SRGAP3: variants seen among roughly 807,000 people sequenced by gnomAD.
The protein encoded by SRGAP3 is SLIT-ROBO Rho GTPase activating protein 3.
A neutral mutation model predicts 121.1 loss-of-function variants in SRGAP3; 39 were observed. That is an observed-to-expected ratio of 0.32 (90% CI 0.25 to 0.42). The LOEUF is 0.42. Ranked by LOEUF, SRGAP3 falls within the 10% of genes least tolerant of loss-of-function variation. SRGAP3 has a pLI of 1.00. For synonymous variants in SRGAP3, 601 were observed against 570.0 expected, an observed-to-expected ratio of 1.05 and a Z score of -0.77; for missense variants, 1,213 against 1,470.6, an observed-to-expected ratio of 0.82 and a Z score of 2.86.
intron 3 of SRGAP3, among the ~76,000 whole-genome samples, chr3:9,306,397 T>C (rs925681676): frequency 2.6e-5 from 4 of 152,218 alleles, no homozygotes; most frequent in Admixed American, 6.5e-5. Flanking sequence ...TCTTTTGCCA[T>C]GCAGAAGCTC....
chr3:9,321,546 T>C (rs1559276365), intron 3 of SRGAP3, among the ~76,000 whole-genome samples: 1 of 151,864 alleles, frequency 6.6e-6, no homozygotes, highest in Admixed American at 6.6e-5. Context: ...GCCATGAGCA[T>C]AGAAGTGGGA....
At chr3:9,312,464 A>C (rs1477047274) in intron 3 of SRGAP3, among the ~76,000 whole-genome samples, 1 of 152,160 alleles carries the variant, frequency 6.6e-6, no homozygotes, top group Non-Finnish European at 1.5e-5. Flanking sequence ...GCCGAGATTC[A>C]ATTTTTGACA....
intron 9 of SRGAP3, among the ~76,000 whole-genome samples, chr3:9,051,835 C>G (rs191781811): frequency 3.1e-4 from 47 of 151,676 alleles, no homozygotes; most frequent in African/African-American, 1.1e-3. Context: ...GCCTCAGCCT[C>G]CCAAGTAGCT....
intron 1 of SRGAP3, among the ~76,000 whole-genome samples, chr3:9,245,637 A>T (rs983719766): frequency 3.3e-5 from 5 of 152,206 alleles, no homozygotes; most frequent in Non-Finnish European, 7.3e-5. Flanking sequence ...AAAAATGCTT[A>T]CAAGGGTCAG....
chr3:9,125,494 T>A (rs1315654446), intron 1 of SRGAP3, among the ~76,000 whole-genome samples: 1 of 152,212 alleles, frequency 6.6e-6, no homozygotes, highest in Admixed American at 6.5e-5. Flanking sequence ...AGGGCATGCT[T>A]TTCCCTCGTG....
chr3:9,248,547 G>A (rs1393983075), intron 1 of SRGAP3, among the ~76,000 whole-genome samples: 3 of 152,162 alleles, frequency 2.0e-5, no homozygotes, highest in Admixed American at 1.3e-4. Flanking sequence ...AAGGGGTGGA[G>A]GTAGTGACTA....
intron 1 of SRGAP3, among the ~76,000 whole-genome samples, chr3:9,208,085 T>C (rs1426113622): frequency 6.6e-6 from 1 of 152,030 alleles, no homozygotes; most frequent in Admixed American, 6.5e-5. Context: ...GGCCCGCAAA[T>C]GATTCATCTT....
At position 9,264,123 on chromosome 3, in the gene SRGAP3, A is replaced by T. The variant is rs909424758; in HGVS notation, n.442+61887T>A. ...AAACAGAACCAATGACAAAAACCAC[A>T]TGATTATCTCAATAGATGCAGAAAA... On this transcript the variant is annotated intron_variant and non_coding_transcript_variant, in intron 3 of 3. Transcript: ENST00000490889. 3.9e-5 allele frequency among the ~76,000 whole-genome samples: 6 copies of T among 152,334 alleles called. No homozygotes were observed. In the East Asian group the frequency reaches 1.2e-3, roughly 29 times the overall value.
chr3:9,358,139 A>G (rs1023790457), intron 1 of SRGAP3, among the ~76,000 whole-genome samples: 2 of 152,140 alleles, frequency 1.3e-5, no homozygotes, highest in African/African-American at 4.8e-5. Flanking sequence ...GTTTCTTAGT[A>G]TATTCATAAC....
rs184809861 is a variant in SRGAP3, at chr3:9,358,771, T to C, written n.214+4069A>G. Among the ~76,000 whole-genome samples the C allele has an allele frequency of 1.2e-4, 18 of 152,330 alleles. No individual in the cohort carries two copies. In the East Asian group the frequency reaches 3.3e-3, roughly 28 times the overall value. On this transcript the variant is annotated intron_variant and non_coding_transcript_variant, in intron 1 of 3. Coordinates refer to the SRGAP3 transcript ENST00000490889. ...TGCTGGAGCGGCTCACAGAACCCAGTGTAACACATATTTTCTGGTTTATTA... is the reference window on the plus strand; with the variant it reads ...TGCTGGAGCGGCTCACAGAACCCAGCGTAACACATATTTTCTGGTTTATTA...
chr3:9,254,527 C>T (rs531654719), upstream of SRGAP3, among the ~76,000 whole-genome samples: 8 of 152,274 alleles, frequency 5.3e-5, no homozygotes, highest in African/African-American at 1.9e-4. Context: ...GGAGCAGTGG[C>T]TCATGCCTGT....
chr3:8,998,802 A>G (rs553466189), intron 18 of SRGAP3, among the ~76,000 whole-genome samples: 50 of 152,192 alleles, frequency 3.3e-4, no homozygotes, highest in African/African-American at 1.2e-3. Context: ...TTCTACTTAC[A>G]TTATCACATT....
chr3:9,026,284 C>G (rs969242637), intron 13 of SRGAP3, among the ~76,000 whole-genome samples: 1 of 152,240 alleles, frequency 6.6e-6, no homozygotes, highest in Admixed American at 6.5e-5. Context: ...TGCACTATCT[C>G]AAATGATATT....
chr3:9,278,740 C>G (rs1037809702), intron 3 of SRGAP3, among the ~76,000 whole-genome samples: 2 of 152,236 alleles, frequency 1.3e-5, no homozygotes, highest in East Asian at 1.9e-4. Flanking sequence ...TTGGTGTCCT[C>G]GTGAATGGGG....
intron 18 of SRGAP3, among the ~76,000 whole-genome samples, chr3:8,997,095 T>A (rs894456553): frequency 2.6e-5 from 4 of 152,220 alleles, no homozygotes; most frequent in African/African-American, 9.6e-5. Flanking sequence ...TAAGTGTGTG[T>A]GGTGGAAACA....
chr3:9,356,615 C>T (rs1012731125), intron 1 of SRGAP3, among the ~76,000 whole-genome samples: 32 of 152,054 alleles, frequency 2.1e-4, no homozygotes, highest in South Asian at 1.7e-3. Flanking sequence ...CCTCGTGATC[C>T]GCCCGCCTCA....
chr3:9,299,896 C>G (rs1427000401), intron 3 of SRGAP3, among the ~76,000 whole-genome samples: 2 of 151,988 alleles, frequency 1.3e-5, no homozygotes, highest in Non-Finnish European at 2.9e-5. Context: ...CAGAGTGAGA[C>G]TCTATCTCAA....
At chr3:9,219,847 T>C (rs1218088727) in intron 1 of SRGAP3, among the ~76,000 whole-genome samples, 1 of 151,664 alleles carries the variant, frequency 6.6e-6, no homozygotes, top group African/African-American at 2.4e-5. Flanking sequence ...TACAAAAAAA[T>C]AAAGAAAGAA....
chr3:9,130,216 T>C (rs1440581240), intron 1 of SRGAP3, among the ~76,000 whole-genome samples: 1 of 151,784 alleles, frequency 6.6e-6, no homozygotes, highest in Non-Finnish European at 1.5e-5. Flanking sequence ...ACAACACCAC[T>C]CACCCCCCAC....
Sources: allele counts gnomAD v4.1 joint callset (sites outside exome capture counted in the v4.1 genomes callset), GRCh38; gene constraint gnomAD v4.1.1; transcripts MANE v1.5; gene names NCBI Gene and HGNC (gene_info 2026-07-23, HGNC 2026-07-21).